PTPRM: variants seen among roughly 807,000 people sequenced by gnomAD.
The protein encoded by PTPRM is protein tyrosine phosphatase receptor type M, also known as receptor-type tyrosine-protein phosphatase mu.
In PTPRM, 47 loss-of-function variants were observed where a neutral mutation model predicts 186.7. The ratio of observed to expected loss-of-function variants is 0.25; its 90% CI spans 0.20 to 0.32. The LOEUF (loss-of-function observed/expected upper bound fraction) is 0.32, where lower values mean the gene tolerates loss of function less well. Among genes scored for constraint, PTPRM ranks in the 10% least tolerant of loss-of-function variants. PTPRM has a pLI of 1.00. For synonymous variants in PTPRM, 668 were observed against 674.9 expected, an observed-to-expected ratio of 0.99 and a Z score of 0.16; for missense variants, 1,494 against 1,865.0, an observed-to-expected ratio of 0.80 and a Z score of 3.66.
At chr18:7,828,217 T>C (rs1372909773) in intron 2 of PTPRM, among the ~76,000 whole-genome samples, 1 of 152,070 alleles carries the variant, frequency 6.6e-6, no homozygotes, top group Non-Finnish European at 1.5e-5. Context: ...ACTAATGAGT[T>C]AGAATTCTTT....
chr18:8,345,205 GA>G (rs1406782214), intron 23 of PTPRM, among the ~76,000 whole-genome samples: 1 of 151,706 alleles, frequency 6.6e-6, no homozygotes, highest in African/African-American at 2.4e-5. Context: ...TCTAATTCAA[GA>G]AGATAGATGA....
At chr18:7,932,247 G>T (rs1234144179) in intron 5 of PTPRM, among the ~76,000 whole-genome samples, 4 of 152,172 alleles carry the variant, frequency 2.6e-5, no homozygotes, top group Non-Finnish European at 4.4e-5. Flanking sequence ...ATAGCAGTTG[G>T]CAGTGGAAAC....
At chr18:7,854,491 C>T (rs1004103736) in intron 2 of PTPRM, among the ~76,000 whole-genome samples, 1 of 152,114 alleles carries the variant, frequency 6.6e-6, no homozygotes, top group African/African-American at 2.4e-5. Flanking sequence ...TTACTTGAAA[C>T]TCCATTACAG....
chr18:7,615,073 A>G (rs1012299610), intron 1 of PTPRM, among the ~76,000 whole-genome samples: 5 of 152,108 alleles, frequency 3.3e-5, no homozygotes, highest in Non-Finnish European at 5.9e-5. Context: ...TGATGTTCCC[A>G]TAGATTATAA....
intron 1 of PTPRM, among the ~76,000 whole-genome samples, chr18:7,659,205 A>G (rs2038924010): frequency 6.6e-6 from 1 of 151,778 alleles, no homozygotes; most frequent in African/African-American, 2.4e-5. Flanking sequence ...TCCATCTTAC[A>G]TACTAAATAT....
intron 3 of PTPRM, among the ~76,000 whole-genome samples, chr18:7,900,492 C>T (rs970432095): frequency 2.6e-5 from 4 of 152,044 alleles, no homozygotes; most frequent in African/African-American, 9.7e-5. Flanking sequence ...TGCTATATTT[C>T]TTATAAATCT....
intron 14 of PTPRM, among the ~76,000 whole-genome samples, chr18:8,165,370 T>C (rs1033001056): frequency 6.6e-6 from 1 of 152,086 alleles, no homozygotes; most frequent in African/African-American, 2.4e-5. Context: ...GCTAAGAAAG[T>C]TACTGTCCAG....
intron 14 of PTPRM, among the ~76,000 whole-genome samples, chr18:8,184,581 C>T (rs750607987): frequency 7.9e-5 from 12 of 152,082 alleles, no homozygotes; most frequent in African/African-American, 2.7e-4. Flanking sequence ...GAACAAGTGA[C>T]GAAGGTTTAA....
intron 7 of PTPRM, among the ~76,000 whole-genome samples, chr18:7,985,732 C>T (rs1011578788): frequency 6.6e-6 from 1 of 151,494 alleles, no homozygotes; most frequent in Non-Finnish European, 1.5e-5. Flanking sequence ...AACCACATCT[C>T]GGAGAATGGA....
At chr18:7,659,435 C>T (rs2038929458) in intron 1 of PTPRM, among the ~76,000 whole-genome samples, 2 of 152,182 alleles carry the variant, frequency 1.3e-5, no homozygotes, top group Non-Finnish European at 2.9e-5. Context: ...CACCTAGGCA[C>T]TTACCTGCAG....
chr18:7,578,530 T>A (rs964895602), intron 1 of PTPRM, among the ~76,000 whole-genome samples: 8 of 152,030 alleles, frequency 5.3e-5, no homozygotes, highest in Admixed American at 3.9e-4. Flanking sequence ...AGAGATGGGG[T>A]TTCACTGTGT....
chr18:7,629,628 G>A (rs1181295399), intron 1 of PTPRM, among the ~76,000 whole-genome samples: 1 of 152,148 alleles, frequency 6.6e-6, no homozygotes, highest in Non-Finnish European at 1.5e-5. Flanking sequence ...AGGGCAAGTT[G>A]TATTAGAAAA....
chr18:8,156,249 AAAG>A (rs2093118714), intron 14 of PTPRM, among the ~76,000 whole-genome samples: 2 of 152,178 alleles, frequency 1.3e-5, no homozygotes, highest in Admixed American at 6.5e-5. Flanking sequence ...AACTCTTTTT[AAAG>A]AAGATTTTAT....
chr18:7,998,748 G>T (rs1216672217), intron 7 of PTPRM, among the ~76,000 whole-genome samples: 1 of 152,018 alleles, frequency 6.6e-6, no homozygotes, highest in African/African-American at 2.4e-5. Flanking sequence ...TCCACCTCCC[G>T]GGTTTAAGTG....
intron 7 of PTPRM, among the ~76,000 whole-genome samples, chr18:8,001,206 G>A (rs1296077173): frequency 2.0e-5 from 3 of 152,284 alleles, no homozygotes; most frequent in East Asian, 1.9e-4. Context: ...TGAATTCGTT[G>A]CAAGTCTCTG....
chr18:8,151,830 A>G (rs1229450731), intron 14 of PTPRM, among the ~76,000 whole-genome samples: 1 of 152,080 alleles, frequency 6.6e-6, no homozygotes, highest in Non-Finnish European at 1.5e-5. Flanking sequence ...TGTGAAGACC[A>G]TGGGAAAAGC....
chr18:7,886,511 C>G (rs972441326), intron 2 of PTPRM, among the ~76,000 whole-genome samples: 10 of 152,114 alleles, frequency 6.6e-5, no homozygotes, highest in African/African-American at 2.4e-4. Context: ...AAAAATTGCT[C>G]TGTTTTAAAA....
intron 13 of PTPRM, among the ~76,000 whole-genome samples, chr18:8,131,238 G>C: frequency 6.6e-6 from 1 of 152,172 alleles, no homozygotes; most frequent in Admixed American, 6.5e-5. Flanking sequence ...GTCTCCAGGA[G>C]CACCGAAGCA....
chr18:7,678,803 T>C (rs1050785686), intron 1 of PTPRM, among the ~76,000 whole-genome samples: 1 of 152,244 alleles, frequency 6.6e-6, no homozygotes, highest in Non-Finnish European at 1.5e-5. Context: ...ATCTGACTTA[T>C]GCAGTCGTGC....
Sources: gnomAD v4.1 joint callset for allele counts (sites outside exome capture counted in the v4.1 genomes callset) on GRCh38, gnomAD v4.1.1 for gene constraint, MANE v1.5 for transcripts, NCBI Gene and HGNC (gene_info 2026-07-23, HGNC 2026-07-21) for gene names.